Variants in SCAF11 observed in about 807,000 individuals in gnomAD.
The protein encoded by SCAF11 is SR-related CTD associated factor 11.
In SCAF11, 47 loss-of-function variants were observed where a neutral mutation model predicts 140.5. That is an observed-to-expected ratio of 0.33 (90% CI 0.26 to 0.43). The LOEUF is 0.43. Among genes scored for constraint, SCAF11 ranks in the 20% least tolerant of loss-of-function variants. SCAF11 has a pLI of 1.00. For synonymous variants in SCAF11, 557 were observed against 579.4 expected, an observed-to-expected ratio of 0.96 and a Z score of 0.55; for missense variants, 1,645 against 1,705.1, an observed-to-expected ratio of 0.96 and a Z score of 0.62.
intron 5 of SCAF11, 102 bp downstream of exon 5, chr12:45,948,335 T>C: frequency 1.4e-6 from 1 of 716,510 alleles, no homozygotes. Context: ...GAATAAGTGA[T>C]TAAATACATT....
intron 1 of SCAF11, among the ~76,000 whole-genome samples, chr12:45,977,851 T>C (rs1196093486): frequency 7.2e-5 from 11 of 152,096 alleles, no homozygotes; most frequent in Admixed American, 5.9e-4. Flanking sequence ...CTATAACCTG[T>C]ACAGACACAG....
Position 45,951,701 on chromosome 12 carries a change from A to T in SCAF11, c.246T>A (p.Arg82=), listed in dbSNP as rs756931787. The change falls in exon 4 of 15, where the codon CGT becomes CGA. Residue 82 remains arginine, a synonymous_variant. Transcript: ENST00000369367. The stretch of plus-strand genomic sequence containing the variant: ...ATTTAAACACTGCCTGAAAAGGTTT[A>T]CGGTCAATAGGACATGAAGCCAGTG... ...AETLASCPID[R]KPFQAVFKFS... is the part of the protein sequence containing the mutation. 1 of 1,592,944 alleles carries T rather than the reference A, an allele frequency of 6.3e-7. No homozygotes were observed. Among genetic ancestry groups the T allele is most frequent in the Non-Finnish European group, 8.6e-7 (1 of 1,166,638 alleles).
chr12:45,987,347 C>T (rs771329968), intron 1 of SCAF11, among the ~76,000 whole-genome samples: 2 of 152,204 alleles, frequency 1.3e-5, no homozygotes, highest in East Asian at 1.9e-4. Flanking sequence ...CTGAGACTTG[C>T]TTAGTCTAAA....
At chr12:45,968,854 A>T (rs1157317310) in intron 1 of SCAF11, among the ~76,000 whole-genome samples, 1 of 152,148 alleles carries the variant, frequency 6.6e-6, no homozygotes, top group Non-Finnish European at 1.5e-5. Flanking sequence ...TGAACCCAGG[A>T]GGTGGAGGTT....
chr12:45,977,340 C>A (rs552729298), intron 1 of SCAF11, among the ~76,000 whole-genome samples: 1 of 152,188 alleles, frequency 6.6e-6, no homozygotes, highest in East Asian at 1.9e-4. Context: ...GTGAAAGAAG[C>A]CAGTCTCAAA....
At chr12:45,934,091 G>T in intron 8 of SCAF11, 85 bp downstream of exon 8, 2 of 775,608 alleles carry the variant, frequency 2.6e-6, no homozygotes, top group Non-Finnish European at 3.8e-6. Flanking sequence ...TTTTTATTGG[G>T]CCCAGAGTTT....
At chr12:45,988,519 C>A (rs1474907197) in intron 1 of SCAF11, among the ~76,000 whole-genome samples, 2 of 152,148 alleles carry the variant, frequency 1.3e-5, no homozygotes, top group Non-Finnish European at 2.9e-5. Flanking sequence ...CGATAGAGAG[C>A]TAAGTAACTC....
intron 1 of SCAF11, among the ~76,000 whole-genome samples, chr12:45,983,623 G>A (rs1946393871): frequency 6.6e-6 from 1 of 151,946 alleles, no homozygotes; most frequent in Admixed American, 6.6e-5. Flanking sequence ...TTAGATAAAT[G>A]TTATTAAAAA....
rs768073364 is a variant in SCAF11, at chr12:45,926,585, G to A, written c.3116C>T (p.Pro1039Leu). 6.2e-7 allele frequency: 1 copy of A among 1,613,270 alleles called. No individual in the cohort carries two copies. The highest frequency in any genetic ancestry group is 8.5e-7 in the Non-Finnish European group (1 of 1,179,858). ...CCAATGAGACTCTTTCAACTTTTCT[G>A]GATTTCTGGTTCTTGGATCAGGCCC... Reference protein sequence around the residue: ...NSGPDPRTRNPEKLKESHWEE... With the variant: ...NSGPDPRTRNLEKLKESHWEE... The change falls in exon 11 of 15, where the codon CCA becomes CTA. Residue 1039 changes from proline to leucine, a missense_variant. By Grantham distance (98) the Pro-to-Leu change is moderately conservative. Around this residue, in one of 2 missense-constraint regions of SCAF11, gnomAD observed 1,582 missense variants for 1,609.2 expected, o/e 0.98. Transcript: ENST00000369367.
upstream of SCAF11, chr12:45,992,002 C>T (rs931357033): frequency 1.6e-6 from 2 of 1,288,864 alleles, no homozygotes; most frequent in Non-Finnish European, 1.0e-6. Context: ...TGAGTTTCCT[C>T]CCCACTTTGC....
At chr12:45,982,658 T>C (rs942505061) in intron 1 of SCAF11, among the ~76,000 whole-genome samples, 12 of 152,206 alleles carry the variant, frequency 7.9e-5, no homozygotes, top group African/African-American at 1.9e-4. Flanking sequence ...TGAACCGAGA[T>C]TGTACCACTG....
At chr12:45,938,266 G>A (rs1945214976) in intron 6 of SCAF11, among the ~76,000 whole-genome samples, 1 of 152,122 alleles carries the variant, frequency 6.6e-6, no homozygotes, top group South Asian at 2.1e-4. Context: ...GAGGTTGGCG[G>A]ATCACCTGAG....
chr12:45,991,717 T>A (rs1306264476), upstream of SCAF11, among the ~76,000 whole-genome samples: 2 of 152,212 alleles, frequency 1.3e-5, no homozygotes, highest in African/African-American at 4.8e-5. Flanking sequence ...AGTCACTGAT[T>A]ATTTAACCTC....
intron 3 of SCAF11, chr12:45,953,844 G>T: frequency 2.1e-6 from 2 of 943,020 alleles, no homozygotes; most frequent in Non-Finnish European, 2.9e-6. Context: ...GGTTTTTATG[G>T]GAATAAATAA....
intron 2 of SCAF11, among the ~76,000 whole-genome samples, chr12:45,963,516 A>T (rs1490991203): frequency 6.6e-6 from 1 of 152,180 alleles, no homozygotes; most frequent in East Asian, 1.9e-4. Context: ...GAATAGTTTT[A>T]AAGTGGATAA....
Position 45,977,028 on chromosome 12 carries a change from C to T in SCAF11, c.-21-12840G>A, listed in dbSNP as rs541755191. Among the ~76,000 whole-genome samples the T allele has an allele frequency of 4.9e-4, 75 of 152,106 alleles. No homozygotes were observed. The South Asian group carries it at 0.015, about 29-fold the overall frequency. On this transcript the variant is annotated intron_variant, in intron 1 of 14. Transcript: ENST00000369367. Reference sequence around the variant, plus strand: ...TAAAAGCCTTCCAAAAAAGAAACCTCGAGGCCCACATAATTTCCCTGGTGA... The same window carrying T: ...TAAAAGCCTTCCAAAAAAGAAACCTTGAGGCCCACATAATTTCCCTGGTGA...
At chr12:45,967,080 T>C (rs1945966790) in intron 1 of SCAF11, among the ~76,000 whole-genome samples, 1 of 152,186 alleles carries the variant, frequency 6.6e-6, no homozygotes, top group African/African-American at 2.4e-5. Context: ...ACTAACCTGA[T>C]ATATAATTTA....
chr12:45,951,457 G>A (rs1945547667), intron 4 of SCAF11, among the ~76,000 whole-genome samples, 193 bp downstream of exon 4: 1 of 151,958 alleles, frequency 6.6e-6, no homozygotes, highest in South Asian at 2.1e-4. Flanking sequence ...CCCTCTTTAG[G>A]GGGCAAATGA....
At chr12:45,991,894 A>G (rs1360226750), upstream of SCAF11, 2 of 1,286,692 alleles carry the variant, frequency 1.6e-6, no homozygotes, top group African/African-American at 3.0e-5. Context: ...CCCAGGTCCC[A>G]GTCGCTTTCA....
Sources: gnomAD v4.1 joint callset for allele counts (sites outside exome capture counted in the v4.1 genomes callset) on GRCh38, gnomAD v4.1.1 for gene constraint, gnomAD v4.1.1 regional missense constraint, MANE v1.5 for transcripts, NCBI Gene and HGNC (gene_info 2026-07-23, HGNC 2026-07-21) for gene names.